HPGDS: variants seen among roughly 807,000 people sequenced by gnomAD.
The protein encoded by HPGDS is hematopoietic prostaglandin D synthase.
Under a neutral mutation model 23.1 loss-of-function variants are expected in HPGDS, and 26 were observed. That is an observed-to-expected ratio of 1.13 (90% CI 0.83 to 1.56). The LOEUF (loss-of-function observed/expected upper bound fraction) is 1.56. HPGDS is among the 40% of genes most tolerant of loss of function. The pLI is 0.00. For synonymous variants in HPGDS, 95 were observed against 77.9 expected (o/e 1.22, Z -1.16); for missense variants, 268 against 236.4 (o/e 1.13, Z -0.88).
chr4:94,304,782 G>C (rs370704340), intron 4 of HPGDS, among the ~76,000 whole-genome samples: 242 of 152,172 alleles, frequency 1.6e-3, no homozygotes, highest in African/African-American at 5.5e-3. Context: ...GTATGTAAGA[G>C]AGTTGTTATT....
At chr4:94,311,779 T>G (rs1196553069) in intron 3 of HPGDS, among the ~76,000 whole-genome samples, 1 of 151,368 alleles carries the variant, frequency 6.6e-6, no homozygotes, top group Non-Finnish European at 1.5e-5. Context: ...GGACTTTTTT[T>G]GGTTGGTAAG....
intron 4 of HPGDS, among the ~76,000 whole-genome samples, chr4:94,306,050 A>C (rs994155165): frequency 6.6e-6 from 1 of 152,132 alleles, no homozygotes; most frequent in African/African-American, 2.4e-5. Flanking sequence ...ACACAGGCAC[A>C]TGGTGTGCAT....
chr4:94,309,106 C>T (rs183486072), intron 3 of HPGDS, among the ~76,000 whole-genome samples: 63 of 102,514 alleles, frequency 6.1e-4, no homozygotes, highest in Middle Eastern at 7.7e-3. Flanking sequence ...GAGGTAGATG[C>T]GCCACAATTT....
chr4:94,311,751 G>A (rs948778944), intron 3 of HPGDS, among the ~76,000 whole-genome samples: 7 of 151,442 alleles, frequency 4.6e-5, no homozygotes, highest in African/African-American at 1.7e-4. Flanking sequence ...GAATTCAGCT[G>A]TGAGTCCATC....
At chr4:94,317,739 TA>T (rs1302546041) in intron 3 of HPGDS, 133 bp downstream of exon 3, 24 of 544,662 alleles carry the variant, frequency 4.4e-5, no homozygotes, top group Non-Finnish European at 7.0e-5. Context: ...GTGGTATATT[TA>T]TACTTTTCTC....
At position 94,341,809 on chromosome 4, in the gene HPGDS, A is replaced by C. The variant is rs148963295; in HGVS notation, c.-10+986T>G. Among the ~76,000 whole-genome samples the C allele has an allele frequency of 3.4e-3, 512 of 152,274 alleles. 4 individuals carry two copies. The highest frequency in any genetic ancestry group is 0.012 in the African/African-American group (491 of 41,562). ...ATGTAATGGCCTAGAGCATGTTTAC[A>C]CTCCTATTATATAGACCCTGGTGTT... On this transcript the variant is annotated intron_variant, in intron 1 of 5. Coordinates refer to ENST00000295256, the MANE Select transcript of HPGDS (RefSeq NM_014485.3).
chr4:94,311,767 C>T (rs1203909832), intron 3 of HPGDS, among the ~76,000 whole-genome samples: 1 of 151,274 alleles, frequency 6.6e-6, no homozygotes, highest in African/African-American at 2.5e-5. Flanking sequence ...CCATCTGGTC[C>T]TGGACTTTTT....
At chr4:94,332,626 C>T (rs1474217355) in intron 2 of HPGDS, among the ~76,000 whole-genome samples, 1 of 152,250 alleles carries the variant, frequency 6.6e-6, no homozygotes, top group Admixed American at 6.5e-5. Flanking sequence ...TGCTCCCTCC[C>T]ACAAGGGATT....
intron 3 of HPGDS, among the ~76,000 whole-genome samples, chr4:94,311,382 C>T (rs376918137): frequency 6.6e-6 from 1 of 151,280 alleles, no homozygotes; most frequent in African/African-American, 2.5e-5. Flanking sequence ...TTTTCTGCAT[C>T]TATTGAGATA....
At chr4:94,340,976 G>T (rs1398471311) in intron 1 of HPGDS, among the ~76,000 whole-genome samples, 1 of 151,066 alleles carries the variant, frequency 6.6e-6, no homozygotes, top group African/African-American at 2.4e-5. Context: ...CTCCCCAGTA[G>T]CTGGGATTAC....
intron 5 of HPGDS, among the ~76,000 whole-genome samples, chr4:94,301,758 G>T (rs933506990): frequency 1.3e-5 from 2 of 151,938 alleles, no homozygotes; most frequent in Non-Finnish European, 2.9e-5. Context: ...ATTTTTTGTT[G>T]TTCTAAGCTA....
Position 94,324,220 on chromosome 4 carries a change from A to G in HPGDS, c.134-6255T>C, listed in dbSNP as rs151050199. On this transcript the variant is annotated intron_variant, in intron 2 of 5. Coordinates refer to ENST00000295256, the MANE Select transcript of HPGDS (RefSeq NM_014485.3). ...TTTTCCTTCATTTCAACCTTGGTGAATCTGACGATTACATGTCTTGGAGTT... is the reference window on the plus strand; with the variant it reads ...TTTTCCTTCATTTCAACCTTGGTGAGTCTGACGATTACATGTCTTGGAGTT... Among the ~76,000 whole-genome samples, 842 of 152,176 alleles carry G rather than the reference A, an allele frequency of 5.5e-3. 4 individuals carry two copies. Among genetic ancestry groups the G allele is most frequent in the African/African-American group, 0.019 (787 of 41,510 alleles).
rs1472229212 is a variant in HPGDS, at chr4:94,299,525, A to G, written c.555T>C (p.Pro185=). The G allele has an allele frequency of 5.0e-6, 8 of 1,613,850 alleles. No homozygotes were observed. Among genetic ancestry groups the G allele is most frequent in the Non-Finnish European group, 5.9e-6 (7 of 1,179,936 alleles). Residue 185 remains proline (P), a synonymous_variant, in exon 6 of 6, where the codon CCT becomes CCC. Coordinates refer to ENST00000295256, the MANE Select transcript of HPGDS (RefSeq NM_014485.3). The part of the protein sequence containing the change: ...VTLRKKVQAI[P]AVANWIKRRP... ...TTCGTTTTATCCAGTTAGCGACGGCAGGAATGGCTTGGACTTTCTTCCGTA... is the reference window on the plus strand; with the variant it reads ...TTCGTTTTATCCAGTTAGCGACGGCGGGAATGGCTTGGACTTTCTTCCGTA...
At chr4:94,322,500 T>C (rs1756535431) in intron 2 of HPGDS, among the ~76,000 whole-genome samples, 1 of 152,224 alleles carries the variant, frequency 6.6e-6, no homozygotes. Flanking sequence ...GGAAGGTGTA[T>C]GTGTCCAGCA....
chr4:94,310,992 C>G (rs897363939), intron 3 of HPGDS, among the ~76,000 whole-genome samples: 2 of 152,088 alleles, frequency 1.3e-5, no homozygotes, highest in African/African-American at 4.8e-5. Flanking sequence ...ATTTTGTATC[C>G]TGAGACTTTG....
chr4:94,312,504 C>T (rs1248436489), intron 3 of HPGDS, among the ~76,000 whole-genome samples: 1 of 152,162 alleles, frequency 6.6e-6, no homozygotes, highest in Non-Finnish European at 1.5e-5. Flanking sequence ...GTCTGAGAGA[C>T]AGTTTGTTGT....
intron 3 of HPGDS, among the ~76,000 whole-genome samples, chr4:94,317,215 G>T (rs1313801695): frequency 6.6e-6 from 1 of 152,104 alleles, no homozygotes; most frequent in Non-Finnish European, 1.5e-5. Context: ...TTTAAAAGAA[G>T]CCAAAAGTAG....
chr4:94,332,292 G>A lies in HPGDS; in HGVS notation c.133+2205C>T, dbSNP rs999647864. Among the ~76,000 whole-genome samples the A allele has an allele frequency of 4.6e-5, 7 of 152,170 alleles. No individual in the cohort carries two copies. The South Asian group carries it at 1.0e-3, about 23-fold the overall frequency. On this transcript the variant is annotated intron_variant, in intron 2 of 5. Transcript: ENST00000295256. Reference sequence around the variant, plus strand: ...ACCATCTTTCAAGTGTCTGGACAACGTAGTTCTTCGGACGCTGGACAACAG... The same window carrying A: ...ACCATCTTTCAAGTGTCTGGACAACATAGTTCTTCGGACGCTGGACAACAG...
At chr4:94,324,763 A>C (rs543292885) in intron 2 of HPGDS, among the ~76,000 whole-genome samples, 3 of 152,066 alleles carry the variant, frequency 2.0e-5, no homozygotes, top group African/African-American at 7.2e-5. Context: ...ACTTATGTCA[A>C]CTCGTCAAAG....
Sources: gnomAD v4.1 joint callset for allele counts (sites outside exome capture counted in the v4.1 genomes callset) on GRCh38, gnomAD v4.1.1 for gene constraint, MANE v1.5 for transcripts, NCBI Gene and HGNC (gene_info 2026-07-23, HGNC 2026-07-21) for gene names.